The following AMZ2 variants were observed in gnomAD, a reference collection of about 807,000 sequenced individuals.
AMZ2 encodes the protein archaemetzincin-2.
Under a neutral mutation model 36.7 loss-of-function variants are expected in AMZ2, and 26 were observed. The ratio of observed to expected loss-of-function variants is 0.71; its 90% CI spans 0.52 to 0.98. The LOEUF (loss-of-function observed/expected upper bound fraction) is 0.98. Ranked by LOEUF, AMZ2 falls within the 50% of genes least tolerant of loss-of-function variation. AMZ2 has a pLI of 0.00. For synonymous variants in AMZ2, 144 were observed against 149.1 expected, an observed-to-expected ratio of 0.97 and a Z score of 0.25; for missense variants, 394 against 430.5, an observed-to-expected ratio of 0.92 and a Z score of 0.75.
At chr17:68,209,626 A>ATT (rs1430193601) in intron 1 of AMZ2, among the ~76,000 whole-genome samples, 1 of 95,246 alleles carries the variant, frequency 1.0e-5, no homozygotes, top group African/African-American at 5.3e-5. Context: ...ATATATATAT[A>ATT]TATATATTTT....
In AMZ2 at chr17:68,248,433, T is replaced by C. The variant is rs782437516; in HGVS notation, c.-273T>C. On this transcript the variant is annotated 5_prime_UTR_variant, in exon 1 of 7. Coordinates refer to ENST00000359904, the MANE Select transcript of AMZ2 (RefSeq NM_016627.5). ...TAGGCAACCAGCCAGGGTGGCCAGCTCCTTCCCGTTTGCCCGTGATGTTCT... is the reference window on the plus strand; with the variant it reads ...TAGGCAACCAGCCAGGGTGGCCAGCCCCTTCCCGTTTGCCCGTGATGTTCT... 3 of 986,202 alleles carry C rather than the reference T, an allele frequency of 3.0e-6. No individual in the cohort carries two copies. The South Asian group carries it at 1.4e-4, about 46-fold the overall frequency. The allele number at this position is 986,202 out of a possible 1,614,324, so 61.1% of individuals were successfully genotyped here. A position where few individuals can be genotyped will look rare whatever the true frequency, so the allele number is the denominator to read the frequency against.
At chr17:68,247,792 C>T (rs1599392529), upstream of AMZ2, 2 of 985,576 alleles carry the variant, frequency 2.0e-6, no homozygotes, top group Non-Finnish European at 2.4e-6. Flanking sequence ...GCGGAGCCGC[C>T]GCGAGCGCAA....
intron 1 of AMZ2, among the ~76,000 whole-genome samples, chr17:68,223,236 G>T (rs12952602): frequency 0.099 from 15,045 of 152,180 alleles, 848 homozygotes; most frequent in Non-Finnish European, 0.12. Flanking sequence ...ATTGGGGAAA[G>T]GTTGTAAACA....
At position 68,221,216 on chromosome 17, in the gene AMZ2, C is replaced by A. The variant is rs1473965436; in HGVS notation, c.-67+14978C>A. On this transcript the variant is annotated intron_variant, in intron 1 of 7. Coordinates refer to the AMZ2 transcript ENST00000674770. The stretch of plus-strand genomic sequence containing the variant: ...CCTGCCTCAGCCCTCAGCTCCCCCC[C>A]CCGCCCCCCCGGTAGCTAGGACCCC... Among the ~76,000 whole-genome samples, 425 of 92,142 alleles carry A rather than the reference C, an allele frequency of 4.6e-3. 44 individuals are homozygous for A. The highest frequency in any genetic ancestry group is 0.016 in the African/African-American group (377 of 23,076). The allele number at this position is 92,142 out of a possible 152,430, so 60.4% of individuals were successfully genotyped here.
chr17:68,252,823 TA>T (rs1555740533), intron 4 of AMZ2, among the ~76,000 whole-genome samples: 1 of 152,114 alleles, frequency 6.6e-6, no homozygotes, highest in African/African-American at 2.4e-5. Flanking sequence ...CACACCCAGC[TA>T]AAAAAATAAT....
chr17:68,214,128 A>G (rs1266995140), intron 1 of AMZ2, among the ~76,000 whole-genome samples: 1 of 145,252 alleles, frequency 6.9e-6, no homozygotes, highest in African/African-American at 2.5e-5. Context: ...GATGTTTATT[A>G]ATTCTTAATT....
intron 1 of AMZ2, among the ~76,000 whole-genome samples, chr17:68,212,193 A>G (rs2073085200): frequency 1.3e-5 from 2 of 152,088 alleles, no homozygotes; most frequent in East Asian, 3.8e-4. Flanking sequence ...CAACATATCG[A>G]CACCCCCTTT....
At chr17:68,242,587 T>C (rs1432270854) in intron 1 of AMZ2, among the ~76,000 whole-genome samples, 1 of 152,058 alleles carries the variant, frequency 6.6e-6, no homozygotes, top group Non-Finnish European at 1.5e-5. Context: ...AATTTCTGTA[T>C]TTTTTAGTAG....
At chr17:68,217,974 A>G (rs8068334) in intron 1 of AMZ2, among the ~76,000 whole-genome samples, 46,544 of 151,646 alleles carry the variant, frequency 0.31, 7,278 homozygotes, top group African/African-American at 0.35. Flanking sequence ...CATCACGCCC[A>G]CCTAATTTTG....
rs1219305932 is a variant in AMZ2 at position 68,250,431 on chromosome 17, C to A, written c.244C>A (p.Pro82Thr). The change falls in exon 2 of 7, where the codon CCC becomes ACC. Residue 82 changes from proline to threonine, a missense_variant. By Grantham distance (38) the Pro-to-Thr change is conservative. Coordinates refer to ENST00000359904, the MANE Select transcript of AMZ2 (RefSeq NM_016627.5). ...CTTCAGTGATCCTTACAGAAAGACA[C>A]CCTCTCCAAACAAACGCAGCATTTA... ...QFFSDPYRKTPSPNKRSIYIQ... is the reference protein window; with the variant it reads ...QFFSDPYRKTTSPNKRSIYIQ... The A allele has an allele frequency of 1.9e-6, 3 of 1,614,038 alleles. No homozygotes were observed. The highest frequency in any genetic ancestry group is 2.5e-6 in the Non-Finnish European group (3 of 1,180,040).
chr17:68,255,393 C>T (rs2074821847), intron 5 of AMZ2, among the ~76,000 whole-genome samples: 1 of 152,094 alleles, frequency 6.6e-6, no homozygotes, highest in African/African-American at 2.4e-5. Context: ...TTCTGTTGGC[C>T]TCTAGTGGGT....
chr17:68,211,094 G>A (rs62087071), intron 1 of AMZ2, among the ~76,000 whole-genome samples: 35,187 of 151,992 alleles, frequency 0.23, 4,356 homozygotes, highest in South Asian at 0.29. Flanking sequence ...CGTTTATATG[G>A]AATGTCCCAA....
At chr17:68,241,806 C>T (rs1337090327) in intron 1 of AMZ2, among the ~76,000 whole-genome samples, 1 of 149,820 alleles carries the variant, frequency 6.7e-6, no homozygotes, top group African/African-American at 2.5e-5. Context: ...GAACCTGCAA[C>T]CTCTGCGTCC....
intron 1 of AMZ2, among the ~76,000 whole-genome samples, chr17:68,222,297 C>G (rs1364576309): frequency 4.5e-4 from 68 of 152,296 alleles, no homozygotes; most frequent in Admixed American, 4.1e-3. Flanking sequence ...CTACAGGTCT[C>G]AAGCTCAGTG....
chr17:68,219,144 T>G (rs1394856838), intron 1 of AMZ2, among the ~76,000 whole-genome samples: 1 of 152,126 alleles, frequency 6.6e-6, no homozygotes, highest in Non-Finnish European at 1.5e-5. Context: ...ATTTTGTATT[T>G]TTAGTAGAGA....
intron 1 of AMZ2, among the ~76,000 whole-genome samples, chr17:68,222,330 A>G (rs1428541549): frequency 6.6e-6 from 1 of 152,208 alleles, no homozygotes; most frequent in African/African-American, 2.4e-5. Flanking sequence ...AAATAAAAGC[A>G]CAGAATGTAA....
intron 1 of AMZ2, among the ~76,000 whole-genome samples, chr17:68,220,815 C>G (rs2073331700): frequency 1.5e-5 from 2 of 137,254 alleles, no homozygotes. Context: ...GGGTCTCAAT[C>G]TGTCTCGCCC....
At chr17:68,222,143 C>G (rs1489798510) in intron 1 of AMZ2, among the ~76,000 whole-genome samples, 1 of 152,224 alleles carries the variant, frequency 6.6e-6, no homozygotes, top group African/African-American at 2.4e-5. Context: ...CCAGCAGGCT[C>G]CCCAGGTTTC....
upstream of AMZ2, chr17:68,247,345 A>C (rs1287650014): frequency 2.0e-5 from 3 of 153,368 alleles, no homozygotes; most frequent in South Asian, 4.1e-4. Context: ...CCAAAAAAAA[A>C]AAAAAAAAAA....
Sources: allele counts gnomAD v4.1 joint callset (sites outside exome capture counted in the v4.1 genomes callset), GRCh38; gene constraint gnomAD v4.1.1; transcripts MANE v1.5; gene names NCBI Gene and HGNC (gene_info 2026-07-23, HGNC 2026-07-21).